Variants in LRPPRC observed in about 807,000 individuals in gnomAD.
LRPPRC encodes leucine-rich PPR motif-containing protein, mitochondrial.
A neutral mutation model predicts 180.3 loss-of-function variants in LRPPRC; 120 were observed. That is an observed-to-expected ratio of 0.67 (90% CI 0.57 to 0.77). The LOEUF is 0.77. Ranked by LOEUF, LRPPRC falls within the 30% of genes least tolerant of loss-of-function variation. The pLI, the probability that LRPPRC is intolerant of heterozygous loss-of-function variation, is 0.00. For missense variants in LRPPRC, 2,012 were observed against 1,657.2 expected (o/e 1.21, Z -3.72); for synonymous variants, 723 against 600.0 (o/e 1.21, Z -3.00).
intron 30 of LRPPRC, among the ~76,000 whole-genome samples, chr2:43,909,611 T>TTAA (rs10542740): frequency 0.028 from 4,012 of 143,652 alleles, 83 homozygotes; most frequent in East Asian, 0.056. Flanking sequence ...AAAAACCCAA[T>TTAA]TAATAATAAT....
intron 29 of LRPPRC, among the ~76,000 whole-genome samples, chr2:43,914,540 C>T (rs1671371627): frequency 6.6e-6 from 1 of 151,760 alleles, no homozygotes; most frequent in Admixed American, 6.6e-5. Flanking sequence ...CCAGCCTAGA[C>T]AACGTAGTGA....
Position 43,977,292 on chromosome 2 carries a change from A to T in LRPPRC, c.470-16T>A. 1 of 1,593,000 alleles carries T rather than the reference A, an allele frequency of 6.3e-7. No individual in the cohort carries two copies. The highest frequency in any genetic ancestry group is 8.6e-7 in the Non-Finnish European group (1 of 1,162,316). ...TACACAGCACCTACAAATGAAATTT[A>T]AAATGAATTTTTAGAAAAGCATTGA... On this transcript the variant is annotated splice_polypyrimidine_tract_variant and intron_variant, in intron 3 of 37. Transcript: ENST00000260665.
chr2:43,974,316 T>A (rs748744762), intron 8 of LRPPRC, 21 bp from the exon 9 acceptor site: 2 of 1,578,926 alleles, frequency 1.3e-6, no homozygotes, highest in Non-Finnish European at 1.7e-6. Flanking sequence ...AACAAAGACA[T>A]CTTTTGTTAA....
At chr2:43,928,643 C>T (rs1046139333) in intron 25 of LRPPRC, among the ~76,000 whole-genome samples, 3 of 151,926 alleles carry the variant, frequency 2.0e-5, no homozygotes, top group South Asian at 2.1e-4. Flanking sequence ...CCCAGCTACT[C>T]GGGAGACTGA....
chr2:43,901,630 A>G, intron 31 of LRPPRC, 106 bp from the exon 32 acceptor site: 1 of 729,514 alleles, frequency 1.4e-6, no homozygotes, highest in Non-Finnish European at 2.5e-6. Context: ...CCATAAACAA[A>G]AAGCTATGAA....
chr2:43,888,098 T>C lies in LRPPRC; in HGVS notation c.*502A>G, dbSNP rs1670335389. The C allele has an allele frequency of 6.2e-6, 1 of 160,562 alleles. No homozygotes were observed. Among genetic ancestry groups the C allele is most frequent in the Non-Finnish European group, 1.4e-5 (1 of 73,404 alleles). 9.9% of individuals were successfully genotyped at this position (160,562 alleles called of 1,614,324 possible). On this transcript the variant is annotated 3_prime_UTR_variant, in exon 38 of 38. Transcript: ENST00000260665. ...GTCTCTGCTTCTCACTGGAAAATGA[T>C]GAAGCCTAGATCTGATGACTCCTAG...
At chr2:43,965,193 G>A (rs538145771) in intron 11 of LRPPRC, among the ~76,000 whole-genome samples, 2 of 152,138 alleles carry the variant, frequency 1.3e-5, no homozygotes, top group East Asian at 3.9e-4. Flanking sequence ...GTAGAGATGG[G>A]GTTTCACCAT....
intron 23 of LRPPRC, among the ~76,000 whole-genome samples, chr2:43,935,845 G>T (rs1464292563): frequency 6.6e-6 from 1 of 152,218 alleles, no homozygotes; most frequent in Non-Finnish European, 1.5e-5. Flanking sequence ...AGGTGCGGTG[G>T]CTCATGCCTG....
chr2:43,934,416 A>C, intron 24 of LRPPRC, 120 bp from the exon 25 acceptor site: 1 of 647,740 alleles, frequency 1.5e-6, no homozygotes. Context: ...ATTAAGAATA[A>C]CTTAAAGAAT....
chr2:43,955,985 A>T (rs909756597), intron 14 of LRPPRC, among the ~76,000 whole-genome samples: 26 of 151,858 alleles, frequency 1.7e-4, no homozygotes, highest in African/African-American at 5.6e-4. Context: ...ACCTGCCTTT[A>T]TATCTGTTGA....
At chr2:43,956,299 T>C (rs914176142) in intron 14 of LRPPRC, among the ~76,000 whole-genome samples, 1 of 152,088 alleles carries the variant, frequency 6.6e-6, no homozygotes, top group Non-Finnish European at 1.5e-5. Flanking sequence ...CTTGTTAAAG[T>C]GGGAAAATCT....
chr2:43,929,222 C>G (rs567849499), intron 25 of LRPPRC, among the ~76,000 whole-genome samples: 1 of 152,276 alleles, frequency 6.6e-6, no homozygotes, highest in South Asian at 2.1e-4. Flanking sequence ...TTCTTAGAAG[C>G]ACTTCCAGCA....
In LRPPRC at chr2:43,888,298, GAAAT is replaced by G. The variant is rs1670343801; in HGVS notation, c.*298_*301del. 1 of 306,964 alleles carries G rather than the reference GAAAT, an allele frequency of 3.3e-6. No individual in the cohort carries two copies. The highest frequency in any genetic ancestry group is 2.2e-5 in the African/African-American group (1 of 45,978). The allele number at this position is 306,964 out of a possible 1,614,324, so 19.0% of individuals were successfully genotyped here. A position where few individuals can be genotyped will look rare whatever the true frequency, so the allele number is the denominator to read the frequency against. On this transcript the variant is annotated 3_prime_UTR_variant, in exon 38 of 38. Transcript: ENST00000260665. ...TTAAATAAAGGAATAACATTTTAAT[GAAAT>G]AAATGAAACAGAGCAGGGAAACCAA...
intron 23 of LRPPRC, among the ~76,000 whole-genome samples, chr2:43,937,126 T>C (rs1213275937): frequency 6.6e-6 from 1 of 152,156 alleles, no homozygotes; most frequent in Non-Finnish European, 1.5e-5. Flanking sequence ...TGAATAATTG[T>C]TCTGTCAATC....
At chr2:43,980,794 G>A (rs1238236833) in intron 2 of LRPPRC, among the ~76,000 whole-genome samples, 3 of 152,102 alleles carry the variant, frequency 2.0e-5, no homozygotes, top group Non-Finnish European at 4.4e-5. Flanking sequence ...TCTAGAGTAG[G>A]GCAAACCTAC....
At chr2:43,970,009 ATTT>A (rs1008072228) in intron 11 of LRPPRC, among the ~76,000 whole-genome samples, 11 of 152,056 alleles carry the variant, frequency 7.2e-5, no homozygotes, top group African/African-American at 2.7e-4. Flanking sequence ...TAATAACTTA[ATTT>A]TTTTCAGCTG....
intron 6 of LRPPRC, 28 bp from the exon 7 acceptor site, chr2:43,975,245 T>C (rs1463132506): frequency 3.1e-6 from 5 of 1,603,702 alleles, no homozygotes; most frequent in African/African-American, 1.3e-5. Flanking sequence ...AAACAGATTA[T>C]TATGCTTTTG....
chr2:43,917,365 G>C (rs531331576), intron 29 of LRPPRC, among the ~76,000 whole-genome samples: 7 of 151,752 alleles, frequency 4.6e-5, no homozygotes, highest in Non-Finnish European at 7.4e-5. Flanking sequence ...GTTTTTTATA[G>C]CTTAAGCATT....
intron 35 of LRPPRC, chr2:43,896,347 A>T: frequency 3.4e-6 from 1 of 297,620 alleles, no homozygotes; most frequent in Admixed American, 4.8e-5. Flanking sequence ...CTGGGATTAC[A>T]GGTGTGAGCC....
Sources: gnomAD v4.1 joint callset for allele counts (sites outside exome capture counted in the v4.1 genomes callset) on GRCh38, gnomAD v4.1.1 for gene constraint, MANE v1.5 for transcripts, NCBI Gene and HGNC (gene_info 2026-07-23, HGNC 2026-07-21) for gene names.